Variants in STX3 observed in about 807,000 individuals in gnomAD.
STX3 encodes syntaxin-3.
In STX3, 19 loss-of-function variants were observed where a neutral mutation model predicts 40.2. That is an observed-to-expected ratio of 0.47 (90% CI 0.33 to 0.69). The LOEUF is 0.69. Among genes scored for constraint, STX3 ranks in the 30% least tolerant of loss-of-function variants. The probability of loss-of-function intolerance (pLI) is 0.02; values close to 1 mark genes in which losing one functional copy is unlikely to be tolerated. For synonymous variants in STX3, 122 were observed against 132.2 expected (o/e 0.92, Z 0.53); for missense variants, 364 against 366.7 (o/e 0.99, Z 0.06).
chr11:59,791,877 G>A (rs1429584545), intron 5 of STX3, among the ~76,000 whole-genome samples: 1 of 152,164 alleles, frequency 6.6e-6, no homozygotes, highest in East Asian at 1.9e-4. Context: ...CAATTACCAC[G>A]TGAGGTCAGC....
At chr11:59,756,102 G>T (rs977731499) in intron 1 of STX3, among the ~76,000 whole-genome samples, 1 of 152,160 alleles carries the variant, frequency 6.6e-6, no homozygotes, top group Admixed American at 6.5e-5. Context: ...CCGGTCACAT[G>T]CTGGGATGGG....
chr11:59,756,287 C>G (rs1024834948), intron 1 of STX3, among the ~76,000 whole-genome samples: 1 of 152,210 alleles, frequency 6.6e-6, no homozygotes, highest in Non-Finnish European at 1.5e-5. Flanking sequence ...CTGTGAGTCT[C>G]TGTTTCCTTA....
intron 2 of STX3, among the ~76,000 whole-genome samples, chr11:59,777,024 C>T (rs1387825264): frequency 6.6e-6 from 1 of 152,230 alleles, no homozygotes; most frequent in African/African-American, 2.4e-5. Context: ...CGCTTACTGT[C>T]TTCAAGATAG....
chr11:59,801,561 C>T lies in STX3; in HGVS notation c.*737C>T, dbSNP rs1590840328. 1.0e-6 allele frequency: 1 copy of T among 985,386 alleles called. No homozygotes were observed. Among genetic ancestry groups the T allele is most frequent in the Non-Finnish European group, 1.2e-6 (1 of 829,938 alleles). 61.0% of individuals were successfully genotyped at this position (985,386 alleles called of 1,614,324 possible). On this transcript the variant is annotated 3_prime_UTR_variant, in exon 11 of 11. Coordinates refer to ENST00000337979, the MANE Select transcript of STX3 (RefSeq NM_004177.5). ...AGGCTGACGGTATGGAATATGTTTCCATGTCTGAGTCTTAGAAACTGGCTG... is the reference window on the plus strand; with the variant it reads ...AGGCTGACGGTATGGAATATGTTTCTATGTCTGAGTCTTAGAAACTGGCTG...
At chr11:59,766,949 G>C (rs1863312189) in intron 1 of STX3, among the ~76,000 whole-genome samples, 1 of 152,200 alleles carries the variant, frequency 6.6e-6, no homozygotes, top group African/African-American at 2.4e-5. Flanking sequence ...CCTACTAGGG[G>C]CTCTATGGGG....
At chr11:59,755,879 TG>T (rs1161401271) in intron 1 of STX3, among the ~76,000 whole-genome samples, 2 of 152,166 alleles carry the variant, frequency 1.3e-5, no homozygotes, top group Non-Finnish European at 2.9e-5. Context: ...CCCCGCAAGC[TG>T]GACAGTGTCT....
intron 9 of STX3, 93 bp from the exon 10 acceptor site, chr11:59,797,190 A>G: frequency 1.2e-6 from 1 of 864,772 alleles, no homozygotes; most frequent in Non-Finnish European, 1.9e-6. Context: ...GATATTTTCT[A>G]TGTAGAGGTG....
At chr11:59,787,171 T>A (rs375808569) in intron 3 of STX3, 35 bp downstream of exon 3, 124 of 1,588,900 alleles carry the variant, frequency 7.8e-5, no homozygotes, top group Non-Finnish European at 1.0e-4. Context: ...CATCCAACAA[T>A]CACCCTTTCC....
chr11:59,799,583 T>C (rs907324278), intron 10 of STX3: 1 of 883,516 alleles, frequency 1.1e-6, no homozygotes, highest in Non-Finnish European at 1.4e-6. Context: ...TAAGTTGGAG[T>C]ACTGAAATAA....
At chr11:59,781,381 C>T in intron 2 of STX3, 1 of 1,599,504 alleles carries the variant, frequency 6.3e-7, no homozygotes, top group South Asian at 1.1e-5. Context: ...ACTAATTTCC[C>T]ATCTTTCAAT....
chr11:59,755,363 C>G (rs1296305284), upstream of STX3: 1 of 329,710 alleles, frequency 3.0e-6, no homozygotes, highest in Non-Finnish European at 5.4e-6. Context: ...GCGCCGGCGC[C>G]GGCCCGGGAG....
intron 3 of STX3, among the ~76,000 whole-genome samples, chr11:59,788,524 A>G (rs957065359): frequency 3.9e-5 from 6 of 152,216 alleles, no homozygotes; most frequent in Non-Finnish European, 5.9e-5. Context: ...TAAGCTCCCT[A>G]GAACCTTCTC....
In STX3 at chr11:59,798,151, T is replaced by G. The variant is rs1379549634; in HGVS notation, c.*30+755T>G. The stretch of plus-strand genomic sequence containing the variant: ...CTTAGAGGATAGCGATGCTAAAATT[T>G]AGACTATTCATTTTCTTGAAAATTT... On this transcript the variant is annotated intron_variant, in intron 10 of 10. Transcript: ENST00000337979. 2.0e-5 allele frequency among the ~76,000 whole-genome samples: 3 copies of G among 152,212 alleles called. No homozygotes were observed. In the South Asian group the frequency reaches 6.2e-4, roughly 32 times the overall value.
At chr11:59,786,658 AT>A (rs1216767755) in intron 2 of STX3, among the ~76,000 whole-genome samples, 1 of 145,516 alleles carries the variant, frequency 6.9e-6, no homozygotes, top group African/African-American at 2.6e-5. Flanking sequence ...CCTCTCCTTC[AT>A]CCTCACTCTT....
intron 7 of STX3, 37 bp from the exon 8 acceptor site, chr11:59,793,343 C>G: frequency 6.2e-7 from 1 of 1,603,488 alleles, no homozygotes; most frequent in Non-Finnish European, 8.5e-7. Flanking sequence ...GCCTTTCTTG[C>G]AGGGGTAGCT....
At chr11:59,781,677 T>G in intron 2 of STX3, 4 of 1,605,378 alleles carry the variant, frequency 2.5e-6, no homozygotes, top group Middle Eastern at 1.7e-4. Flanking sequence ...GCCTTTGCTG[T>G]CCACCAGGCG....
chr11:59,764,182 TTC>T (rs528808521), intron 1 of STX3, among the ~76,000 whole-genome samples: 37 of 152,288 alleles, frequency 2.4e-4, no homozygotes, highest in South Asian at 1.2e-3. Flanking sequence ...ATACATGAAA[TTC>T]TCTCCTCCTG....
chr11:59,763,397 C>G (rs1454779920), intron 1 of STX3, among the ~76,000 whole-genome samples: 2 of 152,086 alleles, frequency 1.3e-5, no homozygotes, highest in Non-Finnish European at 2.9e-5. Context: ...TCTTTCTTGT[C>G]TAGACCCACC....
At chr11:59,755,330 CGG>C (rs1169597872), upstream of STX3, 1 of 283,884 alleles carries the variant, frequency 3.5e-6, no homozygotes, top group Non-Finnish European at 6.5e-6. Flanking sequence ...CAGGTAGGGG[CGG>C]GTCCAGGGCG....
Sources: allele counts gnomAD v4.1 joint callset (sites outside exome capture counted in the v4.1 genomes callset), GRCh38; gene constraint gnomAD v4.1.1; transcripts MANE v1.5; gene names NCBI Gene and HGNC (gene_info 2026-07-23, HGNC 2026-07-21).